The following TRHDE variants were observed in gnomAD, a reference collection of about 807,000 sequenced individuals.
The protein encoded by TRHDE is thyrotropin releasing hormone degrading enzyme.
TRHDE carries 72 observed loss-of-function variants against 125.7 expected under a neutral mutation model. That is an observed-to-expected ratio of 0.57 (90% CI 0.47 to 0.70). TRHDE has a LOEUF of 0.70. TRHDE is among the 30% of genes least tolerant of loss of function. TRHDE has a pLI of 0.00. For missense variants in TRHDE, 1,110 were observed against 1,327.1 expected (o/e 0.84, Z 2.54); for synonymous variants, 509 against 509.1 (o/e 1.00, Z 0.00).
chr12:72,292,650 A>G (rs985263759), intron 2 of TRHDE, among the ~76,000 whole-genome samples: 3 of 152,200 alleles, frequency 2.0e-5, no homozygotes, highest in Non-Finnish European at 4.4e-5. Context: ...AATAACATTT[A>G]TCTTACTATG....
rs1321741569 is a variant in TRHDE, at chr12:72,234,465, T to A, written n.279+128713T>A. Among the ~76,000 whole-genome samples, 4 of 152,204 alleles carry A rather than the reference T, an allele frequency of 2.6e-5. 1 individual carries two copies. Among genetic ancestry groups the A allele is most frequent in the Non-Finnish European group, 5.9e-5 (4 of 68,030 alleles). On this transcript the variant is annotated intron_variant and non_coding_transcript_variant, in intron 2 of 4. Transcript: ENST00000548156. ...TACATAATCCACATTTCTTACCTTT[T>A]AAATTAAATTTCCATTGAAATGAAT...
intron 2 of TRHDE, among the ~76,000 whole-genome samples, chr12:72,211,114 C>G (rs900085128): frequency 2.0e-5 from 3 of 152,142 alleles, no homozygotes; most frequent in African/African-American, 4.8e-5. Flanking sequence ...AAACAGGAAC[C>G]CTCTGTCTTT....
At position 72,383,496 on chromosome 12, in the gene TRHDE, C is replaced by T. The variant is rs113111058; in HGVS notation, c.1315+5375C>T. Reference sequence around the variant, plus strand: ...GGTTCAGCTGATTCTCCTGCCTCAGCCTACCCAGTAGCTGGGACTATAGGC... The same window carrying T: ...GGTTCAGCTGATTCTCCTGCCTCAGTCTACCCAGTAGCTGGGACTATAGGC... On this transcript the variant is annotated intron_variant, in intron 3 of 18. Coordinates refer to ENST00000261180, the MANE Select transcript of TRHDE (RefSeq NM_013381.3). Among the ~76,000 whole-genome samples the T allele has an allele frequency of 2.6e-3, 394 of 151,120 alleles. 1 individual carries two copies. Among genetic ancestry groups the T allele is most frequent in the African/African-American group, 9.4e-3 (384 of 41,058 alleles).
intron 2 of TRHDE, among the ~76,000 whole-genome samples, chr12:72,332,523 C>G (rs1475155989): frequency 6.6e-6 from 1 of 152,132 alleles, no homozygotes; most frequent in Non-Finnish European, 1.5e-5. Context: ...GAGAGATCCG[C>G]CCCCATGATC....
At chr12:72,626,407 G>T (rs545341874) in intron 15 of TRHDE, among the ~76,000 whole-genome samples, 1 of 151,974 alleles carries the variant, frequency 6.6e-6, no homozygotes, top group African/African-American at 2.4e-5. Context: ...GTAGTGGGTC[G>T]TGTGAATTTT....
chr12:72,520,810 A>G (rs1485402905), intron 6 of TRHDE, among the ~76,000 whole-genome samples: 1 of 152,188 alleles, frequency 6.6e-6, no homozygotes, highest in African/African-American at 2.4e-5. Context: ...TCAACATAGC[A>G]CAATTTTATC....
intron 3 of TRHDE, among the ~76,000 whole-genome samples, chr12:72,429,347 A>G (rs1874334962): frequency 1.3e-5 from 2 of 148,542 alleles, no homozygotes; most frequent in East Asian, 3.9e-4. Context: ...GCATAATAAT[A>G]ATAATAATAA....
Position 72,468,003 on chromosome 12 carries a change from T to C in TRHDE, c.1316-1755T>C, listed in dbSNP as rs151005542. 4.6e-3 allele frequency among the ~76,000 whole-genome samples: 702 copies of C among 152,324 alleles called. 5 individuals are homozygous for C. The highest frequency in any genetic ancestry group is 0.016 in the African/African-American group (648 of 41,572). ...TAATCAGTACCCATACCACTAACAG[T>C]GAAATATTATTATTAAAAACATCAC... On this transcript the variant is annotated intron_variant, in intron 3 of 18. Transcript: ENST00000261180.
chr12:72,332,798 T>A (rs1869663792), intron 2 of TRHDE, among the ~76,000 whole-genome samples: 2 of 152,208 alleles, frequency 1.3e-5, no homozygotes, highest in African/African-American at 4.8e-5. Flanking sequence ...ATCAGCAGCA[T>A]CAGTATTGGG....
Position 72,423,885 on chromosome 12 carries a change from T to C in TRHDE, c.1315+45764T>C, listed in dbSNP as rs74103318. On this transcript the variant is annotated intron_variant, in intron 3 of 18. Coordinates refer to ENST00000261180, the MANE Select transcript of TRHDE (RefSeq NM_013381.3). ...GATGTCATGTGAGAGGCAATAGACC[T>C]GTCCTTGCTGACTTTGAAGATGGAG... Among the ~76,000 whole-genome samples the C allele has an allele frequency of 6.7e-3, 1,021 of 152,156 alleles. 15 individuals carry two copies. The highest frequency in any genetic ancestry group is 0.023 in the African/African-American group (963 of 41,518).
chr12:72,516,802 A>G (rs1255661886), intron 6 of TRHDE, among the ~76,000 whole-genome samples: 2 of 152,038 alleles, frequency 1.3e-5, no homozygotes, highest in Admixed American at 6.6e-5. Context: ...AGCTCTTATT[A>G]TTTTGAGATA....
intron 6 of TRHDE, among the ~76,000 whole-genome samples, chr12:72,517,487 G>C (rs906523710): frequency 8.5e-5 from 13 of 152,170 alleles, no homozygotes; most frequent in South Asian, 2.1e-4. Flanking sequence ...GATCGGTGGT[G>C]ATATCCCCTT....
intron 12 of TRHDE, among the ~76,000 whole-genome samples, chr12:72,579,690 T>C (rs1871150420): frequency 6.6e-6 from 1 of 152,142 alleles, no homozygotes; most frequent in Admixed American, 6.5e-5. Context: ...TTTTGAAATA[T>C]TCTATTTTTC....
chr12:72,350,581 A>G (rs1392316999), intron 2 of TRHDE, among the ~76,000 whole-genome samples: 2 of 152,002 alleles, frequency 1.3e-5, no homozygotes, highest in Non-Finnish European at 2.9e-5. Context: ...GCTGATGTAT[A>G]GGCCCCTAAT....
At chr12:72,535,483 A>G (rs1369906071) in intron 6 of TRHDE, among the ~76,000 whole-genome samples, 5 of 152,114 alleles carry the variant, frequency 3.3e-5, no homozygotes, top group African/African-American at 1.2e-4. Context: ...GGCTCCAAGC[A>G]TGGGTAACTG....
intron 3 of TRHDE, among the ~76,000 whole-genome samples, chr12:72,434,528 C>A (rs1184327074): frequency 6.6e-6 from 1 of 151,962 alleles, no homozygotes; most frequent in African/African-American, 2.4e-5. Flanking sequence ...CCTCATGCTG[C>A]CATTCTGGAT....
At chr12:72,140,456 C>A (rs1461852093) in intron 2 of TRHDE, 3 of 149,588 alleles carry the variant, frequency 2.0e-5, no homozygotes, top group Non-Finnish European at 3.0e-5. Context: ...TGATTGTTAT[C>A]TTATATCTCC....
chr12:72,354,968 TAGAGGA>T (rs1455910425), intron 2 of TRHDE, among the ~76,000 whole-genome samples: 4 of 151,412 alleles, frequency 2.6e-5, no homozygotes, highest in Non-Finnish European at 5.9e-5. Context: ...AGTGGAAGCA[TAGAGGA>T]AGAATTACTA....
chr12:72,158,611 C>T (rs1473870389), intron 2 of TRHDE, among the ~76,000 whole-genome samples: 2 of 152,084 alleles, frequency 1.3e-5, no homozygotes, highest in Non-Finnish European at 2.9e-5. Flanking sequence ...TAAATACAGT[C>T]ATAAATTTGT....
Sources: gnomAD v4.1 joint callset for allele counts (sites outside exome capture counted in the v4.1 genomes callset) on GRCh38, gnomAD v4.1.1 for gene constraint, MANE v1.5 for transcripts, NCBI Gene and HGNC (gene_info 2026-07-23, HGNC 2026-07-21) for gene names.